CD38: variants seen among roughly 807,000 people sequenced by gnomAD.
CD38 encodes CD38 molecule.
CD38 carries 31 observed loss-of-function variants against 36.3 expected under a neutral mutation model. The ratio of observed to expected loss-of-function variants is 0.85; its 90% CI spans 0.64 to 1.15. CD38 has a LOEUF of 1.15. Among genes scored for constraint, CD38 ranks in the 50% most tolerant of loss-of-function variants. The pLI, the probability that CD38 is intolerant of heterozygous loss-of-function variation, is 0.00. For missense variants in CD38, 380 were observed against 371.9 expected, an observed-to-expected ratio of 1.02 and a Z score of -0.18; for synonymous variants, 131 against 135.2, an observed-to-expected ratio of 0.97 and a Z score of 0.22.
chr4:15,814,168 C>T (rs114071333), intron 1 of CD38, among the ~76,000 whole-genome samples: 3 of 151,946 alleles, frequency 2.0e-5, no homozygotes, highest in African/African-American at 4.8e-5. Flanking sequence ...GTATCCATTG[C>T]GATTTTGATT....
rs1053049634 is a variant in CD38 at position 15,840,505 on chromosome 4, G to A, written c.806G>A (p.Arg269Lys). The A allele has an allele frequency of 1.9e-6, 3 of 1,603,872 alleles. No individual in the cohort carries two copies. The South Asian group carries it at 3.3e-5, about 18-fold the overall frequency. ...GAGCTGGAATCGATTATAAGCAAAAGGAATATTCAATTTTCCTGCAAGAAT... is the reference window on the plus strand; with the variant it reads ...GAGCTGGAATCGATTATAAGCAAAAAGAATATTCAATTTTCCTGCAAGAAT... ...IKELESIISKRNIQFSCKNIY... is the reference protein window; with the variant it reads ...IKELESIISKKNIQFSCKNIY... The change falls in exon 7 of 8, where the codon AGG becomes AAG. Residue 269 changes from arginine to lysine, a missense_variant. Physicochemically the swap from Arg to Lys is conservative, Grantham distance 26. Coordinates refer to ENST00000226279, the MANE Select transcript of CD38 (RefSeq NM_001775.4).
chr4:15,784,030 G>T (rs939336993), intron 1 of CD38, among the ~76,000 whole-genome samples: 2 of 152,180 alleles, frequency 1.3e-5, no homozygotes, highest in Non-Finnish European at 2.9e-5. Flanking sequence ...TGCAGTGGGA[G>T]GTATGCGGAG....
At chr4:15,807,783 A>G (rs1220255748) in intron 1 of CD38, among the ~76,000 whole-genome samples, 1 of 152,234 alleles carries the variant, frequency 6.6e-6, no homozygotes, top group Non-Finnish European at 1.5e-5. Context: ...AAAGAGCTCC[A>G]TCTCTAGAAT....
In CD38 at chr4:15,791,789, C is replaced by T. The variant is rs551898795; in HGVS notation, c.233+13142C>T. 1.3e-4 allele frequency among the ~76,000 whole-genome samples: 10 copies of T among 76,796 alleles called. 2 individuals are homozygous for T. In the South Asian group the frequency reaches 1.6e-3, roughly 12 times the overall value. The allele number at this position is 76,796 out of a possible 152,430, so 50.4% of individuals were successfully genotyped here. The stretch of plus-strand genomic sequence containing the variant: ...CCTCTGCCCGGCCAGCCGCCCCGTC[C>T]GGGAGGGAGGTGGGAGGGTCAGCCC... On this transcript the variant is annotated intron_variant, in intron 1 of 7. Coordinates refer to ENST00000226279, the MANE Select transcript of CD38 (RefSeq NM_001775.4).
chr4:15,778,516 C>A lies in CD38; in HGVS notation c.102C>A (p.Ile34=). ...TTGGCGTCAGTATCCTGGTCCTGAT[C>A]CTCGTCGTGGTGCTCGCGGTGGTCG... ...LCLGVSILVL[I]LVVVLAVVVP... The change falls in exon 1 of 8, where the codon ATC becomes ATA. Residue 34 remains isoleucine (I), a synonymous_variant. Transcript: ENST00000226279. The surrounding 1 kb of genome is among the most constrained non-coding windows in gnomAD (Gnocchi z 4.9). The A allele has an allele frequency of 6.2e-7, 1 of 1,613,808 alleles. No individual in the cohort carries two copies. Among genetic ancestry groups the A allele is most frequent in the Non-Finnish European group, 8.5e-7 (1 of 1,179,988 alleles).
rs80032865 is a variant in CD38 at position 15,839,969 on chromosome 4, G to T, written c.660-57G>T. The T allele has an allele frequency of 1.1e-3, 1,185 of 1,123,706 alleles. 3 individuals are homozygous for T. The highest frequency in any genetic ancestry group is 1.5e-3 in the Non-Finnish European group (1,104 of 732,206). The allele number at this position is 1,123,706 out of a possible 1,614,324, so 69.6% of individuals were successfully genotyped here. A position where few individuals can be genotyped will look rare whatever the true frequency, so the allele number is the denominator to read the frequency against. On this transcript the variant is annotated intron_variant, in intron 5 of 7. Transcript: ENST00000226279. ...TTCTGCCTGCTGGTTGTTGAGGGGG[G>T]TGTGGATGCTTTCGTTTGGGGTTGA...
chr4:15,790,067 G>C lies in CD38; in HGVS notation c.233+11420G>C, dbSNP rs1722925277. Among the ~76,000 whole-genome samples the C allele has an allele frequency of 2.0e-5, 3 of 151,626 alleles. No individual in the cohort carries two copies. The South Asian group carries it at 6.3e-4, about 32-fold the overall frequency. On this transcript the variant is annotated intron_variant, in intron 1 of 7. Coordinates refer to ENST00000226279, the MANE Select transcript of CD38 (RefSeq NM_001775.4). ...CTGGGGAGAACATCCTAGGTAAAAG[G>C]AACAGCATGTGCAAAGGCCTTGAAA...
chr4:15,778,644 TGAGGTG>T lies in CD38; in HGVS notation c.232_233+4del. On this transcript the variant is annotated splice_donor_variant and splice_donor_region_variant and coding_sequence_variant and intron_variant, in exon 1 of 8. Transcript: ENST00000226279. LOFTEE classifies it high-confidence loss of function. This position sits in a 1 kb window ranked among gnomAD's most constrained non-coding sequence, Gnocchi z 4.9. The stretch of plus-strand genomic sequence containing the variant: ...AAGTACACTGAAATTCATCCTGAGA[TGAGGTG>T]GGTTGGCGACTAAGGCGCACCGGTG... The T allele has an allele frequency of 6.2e-7, 1 of 1,606,506 alleles. No homozygotes were observed. The highest frequency in any genetic ancestry group is 8.5e-7 in the Non-Finnish European group (1 of 1,173,848).
intron 1 of CD38, among the ~76,000 whole-genome samples, chr4:15,790,514 C>T (rs1454756439): frequency 5.3e-5 from 8 of 152,070 alleles, no homozygotes; most frequent in Non-Finnish European, 8.8e-5. Context: ...GTGGCGTGAT[C>T]TCGGCTCGCT....
rs577007427 is a variant in CD38 at position 15,841,040 on chromosome 4, T to TA, written c.839+512dup. ...CTACCAAAATCTATATTTTTTAAAT[T>TA]AAAAAAAAAAGTATTTACAAAATTT... On this transcript the variant is annotated intron_variant, in intron 7 of 7. Coordinates refer to ENST00000226279, the MANE Select transcript of CD38 (RefSeq NM_001775.4). Among the ~76,000 whole-genome samples, 422 of 149,048 alleles carry TA rather than the reference T, an allele frequency of 2.8e-3. 2 individuals are homozygous for TA. The highest frequency in any genetic ancestry group is 5.3e-3 in the Non-Finnish European group (356 of 67,050).
At chr4:15,788,312 T>C (rs1235048666) in intron 1 of CD38, among the ~76,000 whole-genome samples, 1 of 152,180 alleles carries the variant, frequency 6.6e-6, no homozygotes, top group Non-Finnish European at 1.5e-5. Context: ...TTGGAGTTGC[T>C]CTGAGAGGTG....
chr4:15,791,773 G>A (rs1404822263), intron 1 of CD38, among the ~76,000 whole-genome samples: 4 of 81,372 alleles, frequency 4.9e-5, no homozygotes, highest in Admixed American at 2.7e-4. Context: ...CCCTCTGCCC[G>A]GCCAGCCGCC....
intron 1 of CD38, among the ~76,000 whole-genome samples, chr4:15,811,463 G>A (rs376747078): frequency 6.6e-6 from 1 of 151,074 alleles, no homozygotes. Context: ...GTAAAGTATG[G>A]GTCCTAATTT....
rs1440756004 is a variant in CD38, at chr4:15,848,953, G to A, written c.*351G>A. 5.9e-6 allele frequency: 1 copy of A among 170,074 alleles called. No homozygotes were observed. The highest frequency in any genetic ancestry group is 1.3e-5 in the Non-Finnish European group (1 of 79,872). 10.5% of individuals were successfully genotyped at this position (170,074 alleles called of 1,614,324 possible). A position where few individuals can be genotyped will look rare whatever the true frequency, so the allele number is the denominator to read the frequency against. Reference sequence around the variant, plus strand: ...ACACCAAACCTCTCTTATTAGAACAGGCAAGTGAAGAAAAGTGAATGCTCA... The same window carrying A: ...ACACCAAACCTCTCTTATTAGAACAAGCAAGTGAAGAAAAGTGAATGCTCA... On this transcript the variant is annotated 3_prime_UTR_variant, in exon 8 of 8. Transcript: ENST00000226279.
At chr4:15,785,328 G>A (rs570214200) in intron 1 of CD38, among the ~76,000 whole-genome samples, 89 of 152,284 alleles carry the variant, frequency 5.8e-4, no homozygotes, top group Non-Finnish European at 8.1e-4. Flanking sequence ...CCCCCAGAGT[G>A]GATGAAAAGG....
Position 15,816,630 on chromosome 4 carries a change from C to T in CD38, c.353C>T (p.Pro118Leu), listed in dbSNP as rs763424161. ...PLMKLGTQTV[P>L]CNKILLWSRI... ...ATGAAGTTGGGAACTCAGACCGTAC[C>T]TTGCAACAAGGTAATTGGGGGCATG... Residue 118 changes from proline to leucine, a missense_variant, in exon 2 of 8, where the codon CCT becomes CTT. By Grantham distance (98) the Pro-to-Leu change is moderately conservative. Transcript: ENST00000226279. The T allele has an allele frequency of 6.2e-7, 1 of 1,613,832 alleles. No individual in the cohort carries two copies. The highest frequency in any genetic ancestry group is 8.5e-7 in the Non-Finnish European group (1 of 1,179,860).
chr4:15,848,770 T>A lies in CD38; in HGVS notation c.*168T>A. On this transcript the variant is annotated 3_prime_UTR_variant, in exon 8 of 8. Coordinates refer to ENST00000226279, the MANE Select transcript of CD38 (RefSeq NM_001775.4). ...CCCCAAAGTCTTAAAATAACTTATATCATCAGCATACCTTTATTGTGATCT... is the reference window on the plus strand; with the variant it reads ...CCCCAAAGTCTTAAAATAACTTATAACATCAGCATACCTTTATTGTGATCT... 1 of 533,118 alleles carries A rather than the reference T, an allele frequency of 1.9e-6. No homozygotes were observed. The highest frequency in any genetic ancestry group is 2.9e-5 in the South Asian group (1 of 34,260). 33.0% of individuals were successfully genotyped at this position (533,118 alleles called of 1,614,324 possible). A position where few individuals can be genotyped will look rare whatever the true frequency, so the allele number is the denominator to read the frequency against.
At chr4:15,794,431 C>A (rs1379602028) in intron 1 of CD38, among the ~76,000 whole-genome samples, 1 of 152,018 alleles carries the variant, frequency 6.6e-6, no homozygotes, top group African/African-American at 2.4e-5. Flanking sequence ...GAGGTCTGGG[C>A]TGGAGATATA....
At chr4:15,794,531 T>C (rs548004610) in intron 1 of CD38, among the ~76,000 whole-genome samples, 5 of 152,290 alleles carry the variant, frequency 3.3e-5, no homozygotes, top group Non-Finnish European at 5.9e-5. Context: ...TGATTCTGAT[T>C]GGCCAAGTAA....
Sources: allele counts gnomAD v4.1 joint callset (sites outside exome capture counted in the v4.1 genomes callset), GRCh38; gene constraint gnomAD v4.1.1; non-coding constraint Gnocchi (gnomAD v3.1); transcripts MANE v1.5; gene names NCBI Gene and HGNC (gene_info 2026-07-23, HGNC 2026-07-21).